Variants in MAPK14 observed in about 807,000 individuals in gnomAD.
MAPK14 encodes mitogen-activated protein kinase 14.
Under a neutral mutation model 49.6 loss-of-function variants are expected in MAPK14, and 16 were observed. The observed-to-expected ratio is 0.32, with a 90% CI of 0.22 to 0.49. The LOEUF (loss-of-function observed/expected upper bound fraction) is 0.49. Ranked by LOEUF, MAPK14 falls within the 20% of genes least tolerant of loss-of-function variation. The probability of loss-of-function intolerance (pLI) is 0.99; values close to 1 mark genes in which losing one functional copy is unlikely to be tolerated. For missense variants in MAPK14, 200 were observed against 441.2 expected (o/e 0.45, Z 4.90); for synonymous variants, 142 against 158.0 (o/e 0.90, Z 0.76).
intron 3 of MAPK14, among the ~76,000 whole-genome samples, chr6:36,065,302 A>T (rs889825557): frequency 3.9e-5 from 6 of 152,192 alleles, no homozygotes; most frequent in Non-Finnish European, 5.9e-5. Flanking sequence ...TAAACAGGTG[A>T]ACACAAGAAT....
chr6:36,027,933 C>T lies in MAPK14; in HGVS notation c.-225C>T, dbSNP rs551790872. 1.6e-5 allele frequency: 7 copies of T among 425,642 alleles called. No individual in the cohort carries two copies. The South Asian group carries it at 4.3e-4, about 26-fold the overall frequency. 26.4% of individuals were successfully genotyped at this position (425,642 alleles called of 1,614,324 possible). On this transcript the variant is annotated 5_prime_UTR_variant, in exon 1 of 12. Transcript: ENST00000229794. ...CAGTCTTGAGCGCCGGAGCGCGTCC[C>T]TGCCCTTAGCGGGGCTTGCCCCAGT...
At chr6:36,061,461 T>C (rs1763817873) in intron 3 of MAPK14, among the ~76,000 whole-genome samples, 1 of 152,260 alleles carries the variant, frequency 6.6e-6, no homozygotes. Context: ...GTTTCATTCA[T>C]TCATTCAACC....
intron 8 of MAPK14, among the ~76,000 whole-genome samples, chr6:36,086,780 T>C (rs1765003412): frequency 6.6e-6 from 1 of 152,170 alleles, no homozygotes; most frequent in African/African-American, 2.4e-5. Context: ...GACTCCCCTA[T>C]AACTCATTTT....
chr6:36,066,741 G>GGTGTGT (rs10653139), intron 3 of MAPK14, among the ~76,000 whole-genome samples: 1 of 149,480 alleles, frequency 6.7e-6, no homozygotes, highest in African/African-American at 2.4e-5. Flanking sequence ...ATGAATTCTG[G>GGTGTGT]GTGTGTGTGT....
downstream of MAPK14, among the ~76,000 whole-genome samples, chr6:36,112,060 G>C (rs186525127): frequency 6.6e-6 from 1 of 152,268 alleles, no homozygotes; most frequent in Admixed American, 6.5e-5. Flanking sequence ...CAAAAAATTA[G>C]CTGGGCGTGG....
chr6:36,099,650 C>T (rs1044884445), intron 9 of MAPK14, among the ~76,000 whole-genome samples: 2 of 152,230 alleles, frequency 1.3e-5, no homozygotes, highest in African/African-American at 2.4e-5. Flanking sequence ...AAATGTACCA[C>T]TAACTAATGT....
At chr6:36,100,180 C>T (rs955715048) in intron 9 of MAPK14, 1 of 1,588,500 alleles carries the variant, frequency 6.3e-7, no homozygotes, top group Non-Finnish European at 8.6e-7. Context: ...CTTGACTAGG[C>T]ATCTAAGATA....
At chr6:36,036,576 T>C (rs542699587) in intron 1 of MAPK14, among the ~76,000 whole-genome samples, 7 of 152,200 alleles carry the variant, frequency 4.6e-5, no homozygotes, top group South Asian at 2.1e-4. Context: ...GAAATTGCCA[T>C]AGTCATTCCA....
chr6:36,030,637 A>G (rs1466529307), intron 1 of MAPK14, among the ~76,000 whole-genome samples: 2 of 149,578 alleles, frequency 1.3e-5, no homozygotes, highest in Non-Finnish European at 3.0e-5. Context: ...CAATGAGCTG[A>G]GATCGCTCCA....
intron 8 of MAPK14, 163 bp downstream of exon 8, chr6:36,076,771 C>A: frequency 2.1e-6 from 1 of 466,532 alleles, no homozygotes; most frequent in Non-Finnish European, 3.8e-6. Context: ...GCTTGCCTTG[C>A]CAAGAAAGAG....
downstream of MAPK14, among the ~76,000 whole-genome samples, chr6:36,114,344 C>T (rs778209911): frequency 1.3e-5 from 2 of 151,440 alleles, no homozygotes; most frequent in African/African-American, 4.8e-5. Context: ...TGGCCGGGCA[C>T]GGTGGCTCAT....
At chr6:36,054,007 T>TTTTTTTTTTTTTTTTTTTTTG (rs1562112084) in intron 2 of MAPK14, among the ~76,000 whole-genome samples, 2 of 151,888 alleles carry the variant, frequency 1.3e-5, no homozygotes, top group African/African-American at 4.8e-5. Context: ...ACCAGAGTTT[T>TTTTTTTTTTTTTTTTTTTTTG]AAGAATGTTC....
chr6:36,039,857 A>G (rs1762894812), intron 1 of MAPK14, among the ~76,000 whole-genome samples: 4 of 152,014 alleles, frequency 2.6e-5, no homozygotes, highest in African/African-American at 9.7e-5. Flanking sequence ...TTAGTTGGGC[A>G]TGGTGGTGTG....
intron 9 of MAPK14, 184 bp downstream of exon 9, chr6:36,096,250 C>T: frequency 1.9e-6 from 1 of 533,654 alleles, no homozygotes; most frequent in Admixed American, 3.6e-5. Context: ...TGCCTGCTTG[C>T]ATGCACAAGT....
intron 2 of MAPK14, among the ~76,000 whole-genome samples, chr6:36,058,975 C>T (rs1184580973): frequency 7.2e-5 from 11 of 151,886 alleles, no homozygotes; most frequent in African/African-American, 1.2e-4. Context: ...CTGCAACCTC[C>T]GCTTCCCAGG....
chr6:36,102,644 C>G lies in MAPK14; in HGVS notation c.836C>G (p.Pro279Arg). The change falls in exon 10 of 12, where the codon CCC becomes CGC. Residue 279 changes from proline (P) to arginine (R), a missense_variant. Physicochemically the swap from Pro to Arg is moderately radical, Grantham distance 103. Coordinates refer to ENST00000229794, the MANE Select transcript of MAPK14 (RefSeq NM_139012.3). ...NFANVFIGAN[P>R]LAVDLLEKML... ...GCGAATGTATTTATTGGTGCCAATC[C>G]CCTGGGTAAGTTGACCATATATCCT... 1.2e-6 allele frequency: 2 copies of G among 1,613,568 alleles called. No individual in the cohort carries two copies. Among genetic ancestry groups the G allele is most frequent in the Non-Finnish European group, 1.7e-6 (2 of 1,179,666 alleles).
At chr6:36,090,997 C>G (rs922161480) in intron 8 of MAPK14, among the ~76,000 whole-genome samples, 5 of 152,210 alleles carry the variant, frequency 3.3e-5, no homozygotes, top group African/African-American at 1.2e-4. Flanking sequence ...AAGTCTTATT[C>G]TAGTCTATCC....
the MAPK14 span, among the ~76,000 whole-genome samples, chr6:36,122,467 C>T: frequency 6.6e-6 from 1 of 152,222 alleles, no homozygotes; most frequent in African/African-American, 2.4e-5. Flanking sequence ...GGGATAAGGC[C>T]CTGCTACATC....
rs1765865959 is a variant in MAPK14 at position 36,108,451 on chromosome 6, C to T, written c.*4C>T. The stretch of plus-strand genomic sequence containing the variant: ...CCAAGAAGAGATGGAGTCCTGAGCA[C>T]CTGGTTTCTGTTCTGTTGATCCCAC... On this transcript the variant is annotated 3_prime_UTR_variant, in exon 12 of 12. Transcript: ENST00000229794. 1 of 1,612,650 alleles carries T rather than the reference C, an allele frequency of 6.2e-7. No homozygotes were observed. The highest frequency in any genetic ancestry group is 8.5e-7 in the Non-Finnish European group (1 of 1,178,768).
Sources: gnomAD v4.1 joint callset for allele counts (sites outside exome capture counted in the v4.1 genomes callset) on GRCh38, gnomAD v4.1.1 for gene constraint, MANE v1.5 for transcripts, NCBI Gene and HGNC (gene_info 2026-07-23, HGNC 2026-07-21) for gene names.